MCUB: variants seen among roughly 807,000 people sequenced by gnomAD.
The protein encoded by MCUB is mitochondrial calcium uniporter dominant negative subunit beta, also known as calcium uniporter regulatory subunit MCUb, mitochondrial.
MCUB carries 46 observed loss-of-function variants against 41.4 expected under a neutral mutation model. The ratio of observed to expected loss-of-function variants is 1.11; its 90% CI spans 0.88 to 1.42. MCUB has a LOEUF of 1.42. MCUB is among the 40% of genes most tolerant of loss of function. The probability of loss-of-function intolerance (pLI) is 0.00; values close to 1 mark genes in which losing one functional copy is unlikely to be tolerated. For synonymous variants in MCUB, 148 were observed against 148.2 expected (o/e 1.00, Z 0.01); for missense variants, 403 against 404.9 (o/e 1.00, Z 0.04).
chr4:109,597,581 G>A lies in MCUB; in HGVS notation c.99+37145G>A, dbSNP rs1238311077. Among the ~76,000 whole-genome samples, 44 of 132,392 alleles carry A rather than the reference G, an allele frequency of 3.3e-4. 1 individual carries two copies. The highest frequency in any genetic ancestry group is 5.0e-4 in the South Asian group (2 of 4,000). 86.9% of individuals were successfully genotyped at this position (132,392 alleles called of 152,430 possible). ...GGGCTCCTCACTTCCCAGTAGGGGC[G>A]GCCGGGCAGAGGCGCCCCTCACCTC... is the stretch of plus-strand genomic sequence containing the variant. On this transcript the variant is annotated intron_variant, in intron 1 of 7. Transcript: ENST00000394650.
intron 1 of MCUB, 58 bp downstream of exon 1, chr4:109,560,494 G>A (rs1157510062): frequency 1.2e-6 from 1 of 822,928 alleles, no homozygotes; most frequent in East Asian, 3.4e-5. Context: ...AGTTTGCGTT[G>A]GACAACTTTG....
intron 1 of MCUB, among the ~76,000 whole-genome samples, chr4:109,606,262 A>G (rs1028059748): frequency 5.9e-5 from 9 of 152,030 alleles, no homozygotes; most frequent in Non-Finnish European, 1.0e-4. Context: ...GGTGTGAGCC[A>G]CTGTGCCTGG....
intron 1 of MCUB, among the ~76,000 whole-genome samples, chr4:109,646,992 G>A (rs1013736544): frequency 6.6e-6 from 1 of 152,150 alleles, no homozygotes; most frequent in Non-Finnish European, 1.5e-5. Flanking sequence ...CATGTGGGGC[G>A]AAGCGAGTAC....
In MCUB at chr4:109,581,745, A is replaced by G. The variant is rs565906161; in HGVS notation, c.99+21309A>G. Among the ~76,000 whole-genome samples, 4 of 152,378 alleles carry G rather than the reference A, an allele frequency of 2.6e-5. No homozygotes were observed. In the East Asian group the frequency reaches 7.7e-4, roughly 29 times the overall value. On this transcript the variant is annotated intron_variant, in intron 1 of 7. Transcript: ENST00000394650. ...ATATGAACAGACACTTCTCAAAAGA[A>G]GACATTTATGCAGCCAAAAAACACA... is the stretch of plus-strand genomic sequence containing the variant.
intron 1 of MCUB, among the ~76,000 whole-genome samples, chr4:109,595,846 A>C (rs1727543229): frequency 6.6e-6 from 1 of 152,134 alleles, no homozygotes; most frequent in Non-Finnish European, 1.5e-5. Flanking sequence ...GGTGGGGGTA[A>C]TATCAGAGGG....
At chr4:109,582,025 C>G (rs541081649) in intron 1 of MCUB, among the ~76,000 whole-genome samples, 183 of 152,270 alleles carry the variant, frequency 1.2e-3, no homozygotes, top group African/African-American at 4.0e-3. Flanking sequence ...CATCCCATTG[C>G]TGGGTATATA....
intron 1 of MCUB, among the ~76,000 whole-genome samples, chr4:109,642,894 T>TG (rs1491096519): frequency 1.2e-3 from 3 of 2,522 alleles, no homozygotes; most frequent in African/African-American, 1.3e-3. Flanking sequence ...CTCAGCTAGA[T>TG]TTTTTTTTTT....
At chr4:109,640,744 C>G (rs559024435) in intron 1 of MCUB, among the ~76,000 whole-genome samples, 2 of 152,322 alleles carry the variant, frequency 1.3e-5, no homozygotes, top group Non-Finnish European at 2.9e-5. Flanking sequence ...ACCACTAACA[C>G]TTATCATGTT....
intron 1 of MCUB, among the ~76,000 whole-genome samples, chr4:109,657,323 A>G (rs1729128596): frequency 1.3e-5 from 2 of 151,838 alleles, no homozygotes; most frequent in African/African-American, 2.4e-5. Context: ...ATACTAAAAT[A>G]TGTATTTGAA....
rs146088785 is a variant in MCUB at position 109,660,717 on chromosome 4, G to A, written c.346+352G>A. Among the ~76,000 whole-genome samples, 1,240 of 152,078 alleles carry A rather than the reference G, an allele frequency of 8.2e-3. 21 individuals are homozygous for A. Among genetic ancestry groups the A allele is most frequent in the African/African-American group, 0.028 (1,148 of 41,466 alleles). On this transcript the variant is annotated intron_variant, in intron 3 of 7. Transcript: ENST00000394650. ...TGTAATCCCAGCTACTTGGGAGGCT[G>A]AGGCAGGAGAATTGCTTGAACCCAG...
intron 1 of MCUB, among the ~76,000 whole-genome samples, chr4:109,607,952 C>T (rs1727917475): frequency 6.6e-6 from 1 of 152,160 alleles, no homozygotes; most frequent in Non-Finnish European, 1.5e-5. Flanking sequence ...GGGAAGTTCT[C>T]TGTTATTTAT....
chr4:109,685,236 C>CT lies in MCUB; in HGVS notation c.817-14dup. 2 of 928,704 alleles carry CT rather than the reference C, an allele frequency of 2.2e-6. No homozygotes were observed. Among genetic ancestry groups the CT allele is most frequent in the East Asian group, 2.5e-5 (1 of 40,282 alleles). 57.5% of individuals were successfully genotyped at this position (928,704 alleles called of 1,614,324 possible). A position where few individuals can be genotyped will look rare whatever the true frequency, so the allele number is the denominator to read the frequency against. ...CAAAACATGTTGTTTTCTTCTCTCT[C>CT]TCTTTTTTTTTAAGGATTATACTTA... On this transcript the variant is annotated splice_polypyrimidine_tract_variant and intron_variant, in intron 6 of 7. Coordinates refer to ENST00000394650, the MANE Select transcript of MCUB (RefSeq NM_017918.5).
chr4:109,602,885 A>G (rs1727775718), intron 1 of MCUB, among the ~76,000 whole-genome samples: 1 of 152,052 alleles, frequency 6.6e-6, no homozygotes. Flanking sequence ...TGCATCTATG[A>G]TTTATAGTTT....
At chr4:109,662,564 A>G (rs2126145173) in intron 3 of MCUB, among the ~76,000 whole-genome samples, 1 of 152,332 alleles carries the variant, frequency 6.6e-6, no homozygotes, top group Admixed American at 6.5e-5. Flanking sequence ...GAGTGCAAAC[A>G]CCCTATCGGG....
intron 1 of MCUB, chr4:109,561,128 T>G (rs1205889945): frequency 1.3e-5 from 2 of 152,554 alleles, no homozygotes; most frequent in Non-Finnish European, 2.9e-5. Flanking sequence ...GGGAAAGCGC[T>G]GAGTTTAAGG....
chr4:109,582,413 A>C (rs1354248551), intron 1 of MCUB, among the ~76,000 whole-genome samples: 1 of 150,218 alleles, frequency 6.7e-6, no homozygotes, highest in Non-Finnish European at 1.5e-5. Context: ...GCATTAGGAG[A>C]TATACCTAAT....
intron 1 of MCUB, among the ~76,000 whole-genome samples, chr4:109,624,595 G>A (rs373662291): frequency 3.3e-5 from 5 of 152,196 alleles, no homozygotes; most frequent in African/African-American, 9.7e-5. Flanking sequence ...CATTGAATCT[G>A]AAGAGCTTTC....
intron 1 of MCUB, among the ~76,000 whole-genome samples, chr4:109,619,026 GCCTGCCTACCTACCTACCTA>G (rs1459187677): frequency 1.2e-4 from 16 of 128,848 alleles, no homozygotes; most frequent in African/African-American, 3.3e-4. Flanking sequence ...CTATCTACCT[GCCTGCCTACCTACCTACCTA>G]CCTACCTACC....
At chr4:109,677,001 AC>A (rs1729588125) in intron 4 of MCUB, among the ~76,000 whole-genome samples, 1 of 152,190 alleles carries the variant, frequency 6.6e-6, no homozygotes, top group Admixed American at 6.5e-5. Flanking sequence ...CAGGCATGAA[AC>A]CTCAACCCAT....
Sources: gnomAD v4.1 joint callset for allele counts (sites outside exome capture counted in the v4.1 genomes callset) on GRCh38, gnomAD v4.1.1 for gene constraint, MANE v1.5 for transcripts, NCBI Gene and HGNC (gene_info 2026-07-23, HGNC 2026-07-21) for gene names.